ZNF469: variants seen among roughly 807,000 people sequenced by gnomAD.
The protein encoded by ZNF469 is zinc finger protein 469.
In ZNF469, 1 loss-of-function variant was observed where a neutral mutation model predicts 1.0. The observed-to-expected ratio is 1.00, with a 90% CI of 0.35 to 4.73. The LOEUF (loss-of-function observed/expected upper bound fraction) is 4.73, where lower values mean the gene tolerates loss of function less well. Ranked by LOEUF, ZNF469 falls within the 30% of genes most tolerant of loss-of-function variation. The probability of loss-of-function intolerance (pLI) is 0.16; values close to 1 mark genes in which losing one functional copy is unlikely to be tolerated. For synonymous variants in ZNF469, 2,703 were observed against 2,363.4 expected, an observed-to-expected ratio of 1.14 and a Z score of -4.17; for missense variants, 6,100 against 5,356.3, an observed-to-expected ratio of 1.14 and a Z score of -4.33.
At chr16:88,371,325 T>A in the ZNF469 span, among the ~76,000 whole-genome samples, 1 of 152,206 alleles carries the variant, frequency 6.6e-6, no homozygotes, top group Non-Finnish European at 1.5e-5. Flanking sequence ...AGATGCTAAT[T>A]TATCCTAAAA....
the ZNF469 span, among the ~76,000 whole-genome samples, chr16:88,308,633 G>T: frequency 3.3e-3 from 496 of 152,242 alleles, 4 homozygotes; most frequent in African/African-American, 0.012. Flanking sequence ...CATTCCTGGT[G>T]CCTGGAGCAG....
the ZNF469 span, among the ~76,000 whole-genome samples, chr16:88,200,249 T>C: frequency 3.9e-5 from 6 of 152,106 alleles, no homozygotes; most frequent in Admixed American, 1.3e-4. Flanking sequence ...GCGGGTGAAG[T>C]GGGAAACGGA....
the ZNF469 span, among the ~76,000 whole-genome samples, chr16:88,292,241 G>C: frequency 7.2e-5 from 11 of 152,148 alleles, no homozygotes; most frequent in Non-Finnish European, 1.5e-4. Flanking sequence ...TCCCAGCAGG[G>C]GCCTTGACCA....
chr16:88,273,532 G>A, the ZNF469 span, among the ~76,000 whole-genome samples: 3 of 152,172 alleles, frequency 2.0e-5, no homozygotes, highest in Non-Finnish European at 4.4e-5. Flanking sequence ...AGGGACACTG[G>A]AACCCTCCTG....
chr16:88,378,541 A>G (rs1194610192), upstream of ZNF469, among the ~76,000 whole-genome samples: 2 of 152,138 alleles, frequency 1.3e-5, no homozygotes, highest in African/African-American at 4.8e-5. Flanking sequence ...GGCCGTCCAG[A>G]TGGGCTTCCT....
At chr16:88,196,516 G>A in the ZNF469 span, among the ~76,000 whole-genome samples, 33,176 of 152,050 alleles carry the variant, frequency 0.22, 4,208 homozygotes, top group Middle Eastern at 0.3. Context: ...AGGAGTGGCC[G>A]ACAGCCCCAA....
At chr16:88,124,203 T>C in the ZNF469 span, among the ~76,000 whole-genome samples, 1 of 152,212 alleles carries the variant, frequency 6.6e-6, no homozygotes, top group Non-Finnish European at 1.5e-5. Context: ...TGACCAGAAT[T>C]TTCTCCCAGT....
chr16:88,348,284 G>A, the ZNF469 span, among the ~76,000 whole-genome samples: 7 of 152,252 alleles, frequency 4.6e-5, no homozygotes, highest in African/African-American at 1.7e-4. Context: ...CATTGCTGCT[G>A]TCCCTGCCTC....
intron 1 of ZNF469, among the ~76,000 whole-genome samples, chr16:88,386,496 A>G (rs1002639859): frequency 6.6e-6 from 1 of 151,148 alleles, no homozygotes; most frequent in Admixed American, 6.6e-5. Context: ...CCCACCTCCC[A>G]TCACTGGTGT....
At chr16:88,170,021 G>C in the ZNF469 span, among the ~76,000 whole-genome samples, 8 of 152,218 alleles carry the variant, frequency 5.3e-5, no homozygotes, top group African/African-American at 1.9e-4. This position sits in a 1 kb window ranked among gnomAD's most constrained non-coding sequence, Gnocchi z 4.2. Flanking sequence ...GGTGCAGAGA[G>C]CACAGGCTGG....
the ZNF469 span, among the ~76,000 whole-genome samples, chr16:88,127,765 G>A: frequency 6.6e-6 from 1 of 152,192 alleles, no homozygotes; most frequent in African/African-American, 2.4e-5. Context: ...GATGAAGAAG[G>A]TTGGATTTGG....
the ZNF469 span, among the ~76,000 whole-genome samples, chr16:88,287,895 AT>A: frequency 8.6e-5 from 13 of 151,656 alleles, no homozygotes; most frequent in African/African-American, 2.9e-4. Context: ...CCTTTTCTTT[AT>A]TGCACATGTT....
chr16:88,233,860 C>T, the ZNF469 span, among the ~76,000 whole-genome samples: 4 of 152,232 alleles, frequency 2.6e-5, no homozygotes, highest in Non-Finnish European at 1.5e-5. Context: ...TGCTGGTGGA[C>T]GTTCAGCCCT....
the ZNF469 span, among the ~76,000 whole-genome samples, chr16:88,199,815 C>T: frequency 6.6e-6 from 1 of 152,210 alleles, no homozygotes. Context: ...ACCTGGGAGT[C>T]AGGATGGGGG....
chr16:88,242,864 A>C, the ZNF469 span, among the ~76,000 whole-genome samples: 2 of 152,164 alleles, frequency 1.3e-5, no homozygotes, highest in Non-Finnish European at 2.9e-5. Context: ...GCACGCATTC[A>C]CCCCTGCCTG....
the ZNF469 span, among the ~76,000 whole-genome samples, chr16:88,322,021 G>A: frequency 6.6e-6 from 1 of 152,224 alleles, no homozygotes; most frequent in Non-Finnish European, 1.5e-5. Context: ...TGGGATGAGA[G>A]GGCCCTGGGC....
the ZNF469 span, among the ~76,000 whole-genome samples, chr16:88,372,232 A>C: frequency 6.4e-4 from 97 of 151,762 alleles, no homozygotes; most frequent in Non-Finnish European, 7.7e-4. Context: ...CACTATCATC[A>C]CCATCACCAT....
chr16:88,341,782 G>A, the ZNF469 span, among the ~76,000 whole-genome samples: 1 of 152,096 alleles, frequency 6.6e-6, no homozygotes, highest in Non-Finnish European at 1.5e-5. Flanking sequence ...GGGGAGGATG[G>A]CTGGGGGCTG....
chr16:88,182,119 A>G, the ZNF469 span, among the ~76,000 whole-genome samples: 1 of 152,234 alleles, frequency 6.6e-6, no homozygotes, highest in Non-Finnish European at 1.5e-5. Context: ...TAAAAACAAT[A>G]TTCACCATAA....
Sources: allele counts gnomAD v4.1 joint callset (sites outside exome capture counted in the v4.1 genomes callset), GRCh38; gene constraint gnomAD v4.1.1; non-coding constraint Gnocchi (gnomAD v3.1); transcripts MANE v1.5; gene names NCBI Gene and HGNC (gene_info 2026-07-23, HGNC 2026-07-21).